Variants in MARCHF7 observed in about 807,000 individuals in gnomAD.
The protein encoded by MARCHF7 is E3 ubiquitin-protein ligase MARCHF7.
In MARCHF7, 20 loss-of-function variants were observed where a neutral mutation model predicts 76.5. The observed-to-expected ratio is 0.26, with a 90% CI of 0.18 to 0.38. The LOEUF (loss-of-function observed/expected upper bound fraction) is 0.38, where lower values mean the gene tolerates loss of function less well. MARCHF7 is among the 10% of genes least tolerant of loss of function. MARCHF7 has a pLI of 1.00. For missense variants in MARCHF7, 797 were observed against 812.9 expected (o/e 0.98, Z 0.24); for synonymous variants, 295 against 293.0 (o/e 1.01, Z -0.07).
At chr2:159,719,673 A>G (rs908813175) in intron 3 of MARCHF7, among the ~76,000 whole-genome samples, 4 of 152,010 alleles carry the variant, frequency 2.6e-5, no homozygotes, top group African/African-American at 7.2e-5. Context: ...TGTTAAACCC[A>G]TCAGTTTGCT....
intron 7 of MARCHF7, among the ~76,000 whole-genome samples, chr2:159,750,656 T>A (rs1705529504): frequency 6.6e-6 from 1 of 152,208 alleles, no homozygotes; most frequent in African/African-American, 2.4e-5. Context: ...AAAACAGAGA[T>A]CTTAGTCCCA....
chr2:159,720,556 A>AT (rs984711029), intron 3 of MARCHF7, among the ~76,000 whole-genome samples: 2 of 150,404 alleles, frequency 1.3e-5, no homozygotes, highest in African/African-American at 2.5e-5. Context: ...TTGCTACCCT[A>AT]TTTTTTTTCT....
At chr2:159,734,682 G>C (rs1376874089) in intron 4 of MARCHF7, among the ~76,000 whole-genome samples, 1 of 151,930 alleles carries the variant, frequency 6.6e-6, no homozygotes, top group Non-Finnish European at 1.5e-5. Flanking sequence ...TTGCATATAA[G>C]AAAAAGAGAC....
chr2:159,729,681 A>C (rs536151976), intron 4 of MARCHF7, among the ~76,000 whole-genome samples: 1 of 152,080 alleles, frequency 6.6e-6, no homozygotes, highest in East Asian at 1.9e-4. Context: ...TCAAAAAAAA[A>C]AAAATGCTTT....
chr2:159,757,053 CT>C (rs1218538196), intron 8 of MARCHF7, among the ~76,000 whole-genome samples: 2 of 152,148 alleles, frequency 1.3e-5, no homozygotes, highest in Non-Finnish European at 2.9e-5. Context: ...ACCACCACCC[CT>C]GGCTAATTTT....
intron 4 of MARCHF7, among the ~76,000 whole-genome samples, chr2:159,732,546 T>C (rs1342986168): frequency 6.6e-6 from 1 of 152,166 alleles, no homozygotes; most frequent in Non-Finnish European, 1.5e-5. Flanking sequence ...AGGGTCCTGC[T>C]CTGTCACCCA....
intron 3 of MARCHF7, among the ~76,000 whole-genome samples, chr2:159,726,312 G>C (rs113725624): frequency 0.08 from 12,124 of 152,038 alleles, 573 homozygotes; most frequent in African/African-American, 0.13. Flanking sequence ...ACCCAGGCCA[G>C]AGTGCAGTGG....
intron 3 of MARCHF7, among the ~76,000 whole-genome samples, chr2:159,725,666 TC>T (rs1431473957): frequency 6.6e-6 from 1 of 152,180 alleles, no homozygotes; most frequent in Middle Eastern, 3.2e-3. Flanking sequence ...TAAGCCCCTT[TC>T]CCCCAAATTT....
At chr2:159,743,936 T>C (rs1235752833) in intron 5 of MARCHF7, among the ~76,000 whole-genome samples, 1 of 148,970 alleles carries the variant, frequency 6.7e-6, no homozygotes, top group Non-Finnish European at 1.5e-5. Flanking sequence ...CAGAAACTCT[T>C]GAGTTACAAA....
chr2:159,764,730 C>T lies in MARCHF7; in HGVS notation c.2056+56C>T, dbSNP rs1707555038. ...TGAATTTACTTTTGCAAATTAAACC[C>T]AAAGCAAAACCTAAGTATATACTCT... On this transcript the variant is annotated intron_variant, in intron 11 of 11. Transcript: ENST00000409175. 3 of 1,399,648 alleles carry T rather than the reference C, an allele frequency of 2.1e-6. No homozygotes were observed. The East Asian group carries it at 7.3e-5, about 34-fold the overall frequency. 86.7% of individuals were successfully genotyped at this position (1,399,648 alleles called of 1,614,324 possible).
intron 3 of MARCHF7, among the ~76,000 whole-genome samples, chr2:159,716,879 C>G (rs1339114853): frequency 6.6e-6 from 1 of 152,162 alleles, no homozygotes; most frequent in African/African-American, 2.4e-5. Context: ...AATCTTTGTT[C>G]TATGGCTGCA....
At chr2:159,732,902 T>C (rs1422164594) in intron 4 of MARCHF7, 10 of 985,264 alleles carry the variant, frequency 1.0e-5, no homozygotes, top group Admixed American at 1.2e-4. Flanking sequence ...TACAGCCACA[T>C]CTATATGTGA....
chr2:159,741,200 C>T (rs1452331352), intron 4 of MARCHF7, among the ~76,000 whole-genome samples: 1 of 152,078 alleles, frequency 6.6e-6, no homozygotes, highest in Non-Finnish European at 1.5e-5. Context: ...TGGTGAGACC[C>T]TGTCTCTACA....
chr2:159,762,324 G>C (rs1038145501), intron 9 of MARCHF7, among the ~76,000 whole-genome samples: 5 of 152,174 alleles, frequency 3.3e-5, no homozygotes, highest in African/African-American at 1.2e-4. Flanking sequence ...TTTCGTCTCA[G>C]TTTCTTCCTT....
In MARCHF7 at chr2:159,748,767, G is replaced by A; in HGVS notation, c.1477G>A (p.Gly493Arg). 6.2e-7 allele frequency: 1 copy of A among 1,614,126 alleles called. No homozygotes were observed. Among genetic ancestry groups the A allele is most frequent in the Non-Finnish European group, 8.5e-7 (1 of 1,180,030 alleles). ...CCGGTTTGCAGTCCCTCCAGCACTT[G>A]GGAGTAATTTGACCGACAATGTCAT... ...LFRFAVPPAL[G>R]SNLTDNVMIT... The change falls in exon 7 of 12, where the codon GGG becomes AGG. Residue 493 changes from glycine to arginine, a missense_variant. By Grantham distance (125) the Gly-to-Arg change is moderately radical (BLOSUM62 -2). Transcript: ENST00000409175.
chr2:159,762,140 C>A (rs1018229351), intron 9 of MARCHF7, among the ~76,000 whole-genome samples: 1 of 152,120 alleles, frequency 6.6e-6, no homozygotes, highest in African/African-American at 2.4e-5. Flanking sequence ...TTCTGTAAAC[C>A]AATGTTGAGA....
At chr2:159,751,538 C>T (rs994746069) in intron 7 of MARCHF7, among the ~76,000 whole-genome samples, 7 of 152,160 alleles carry the variant, frequency 4.6e-5, no homozygotes, top group South Asian at 2.1e-4. Context: ...AGTCTCCTAG[C>T]GGCTGTATAT....
At chr2:159,713,615 A>C (rs776398052) in intron 1 of MARCHF7, among the ~76,000 whole-genome samples, 1 of 152,226 alleles carries the variant, frequency 6.6e-6, no homozygotes, top group African/African-American at 2.4e-5. Flanking sequence ...AATAGTATAC[A>C]GTTATTAAGA....
At chr2:159,743,445 A>T (rs1184924704) in intron 5 of MARCHF7, among the ~76,000 whole-genome samples, 192 bp downstream of exon 5, 3 of 152,218 alleles carry the variant, frequency 2.0e-5, no homozygotes, top group Admixed American at 2.0e-4. Context: ...TAAAATTGAT[A>T]TAGATATCCT....
Sources: allele counts gnomAD v4.1 joint callset (sites outside exome capture counted in the v4.1 genomes callset), GRCh38; gene constraint gnomAD v4.1.1; transcripts MANE v1.5; gene names NCBI Gene and HGNC (gene_info 2026-07-23, HGNC 2026-07-21).